TOP1: variants seen among roughly 807,000 people sequenced by gnomAD.
The protein encoded by TOP1 is DNA topoisomerase 1.
A neutral mutation model predicts 111.1 loss-of-function variants in TOP1; 10 were observed. The observed-to-expected ratio is 0.09, with a 90% CI of 0.06 to 0.15. TOP1 has a LOEUF of 0.15. TOP1 is among the 10% of genes least tolerant of loss of function. The pLI is 1.00. For missense variants in TOP1, 474 were observed against 926.7 expected (o/e 0.51, Z 6.34); for synonymous variants, 271 against 302.9 (o/e 0.89, Z 1.10).
chr20:41,065,029 C>T (rs1038599839), intron 3 of TOP1, among the ~76,000 whole-genome samples: 1 of 152,110 alleles, frequency 6.6e-6, no homozygotes, highest in Non-Finnish European at 1.5e-5. Context: ...CTCTGCCTCC[C>T]AAGTAGCTGG....
intron 8 of TOP1, among the ~76,000 whole-genome samples, chr20:41,086,409 A>G (rs570784867): frequency 6.6e-6 from 1 of 152,194 alleles, no homozygotes; most frequent in South Asian, 2.1e-4. Context: ...ATTAGAGGTT[A>G]TTATTGGGAG....
rs1198352590 is a variant in TOP1 at position 41,092,391 on chromosome 20, AATT to A, written c.615-77_615-75del. 1.4e-5 allele frequency: 9 copies of A among 640,514 alleles called. No homozygotes were observed. Among genetic ancestry groups the A allele is most frequent in the Middle Eastern group, 5.3e-4 (2 of 3,780 alleles). The allele number at this position is 640,514 out of a possible 1,614,324, so 39.7% of individuals were successfully genotyped here. ...CAGAGCACTAATCAGTTGAGCGGAT[AATT>A]ATTTGGCATTTAATCAGTGATGATC... On this transcript the variant is annotated intron_variant, in intron 8 of 20. Transcript: ENST00000361337. The surrounding 1 kb of genome is among the most constrained non-coding windows in gnomAD (Gnocchi z 4.3).
chr20:41,113,715 C>CAAAAAAAAA (rs987087793), intron 14 of TOP1, among the ~76,000 whole-genome samples: 18 of 103,462 alleles, frequency 1.7e-4, no homozygotes, highest in Non-Finnish European at 3.1e-4. Context: ...ACTAAAAATA[C>CAAAAAAAAA]AAAAAAAAAA....
chr20:41,104,691 C>G (rs1363750149), intron 13 of TOP1, among the ~76,000 whole-genome samples: 2 of 152,170 alleles, frequency 1.3e-5, no homozygotes, highest in Non-Finnish European at 2.9e-5. Flanking sequence ...AAGTGCCTGA[C>G]TTGAACTGCA....
intron 2 of TOP1, among the ~76,000 whole-genome samples, chr20:41,059,171 G>T (rs1287263945): frequency 6.6e-6 from 1 of 152,008 alleles, no homozygotes; most frequent in African/African-American, 2.4e-5. Flanking sequence ...CCTTTTGGAG[G>T]GTGGAGGGTG....
intron 2 of TOP1, among the ~76,000 whole-genome samples, chr20:41,038,032 T>C (rs2033211056): frequency 6.6e-6 from 1 of 152,226 alleles, no homozygotes. Context: ...TATTTGTTAA[T>C]GCTCTGTAGC....
chr20:41,106,618 T>C lies in TOP1; in HGVS notation c.1308+5265T>C, dbSNP rs2034149464. 6.6e-6 allele frequency among the ~76,000 whole-genome samples: 1 copy of C among 152,200 alleles called. No individual in the cohort carries two copies. Among genetic ancestry groups the C allele is most frequent in the South Asian group, 2.1e-4 (1 of 4,834 alleles). On this transcript the variant is annotated intron_variant, in intron 13 of 20. Transcript: ENST00000361337. The surrounding 1 kb of genome is among the most constrained non-coding windows in gnomAD (Gnocchi z 4.3). ...TCATAAAGGTTTTACATTTAAAAAA[T>C]TCTTATTTTTAAGTGATCTTATAGT...
intron 2 of TOP1, among the ~76,000 whole-genome samples, chr20:41,042,918 C>A (rs1427743623): frequency 6.6e-6 from 1 of 152,138 alleles, no homozygotes; most frequent in Non-Finnish European, 1.5e-5. Flanking sequence ...GAAAATGGAT[C>A]ATCATAAAAG....
intron 2 of TOP1, among the ~76,000 whole-genome samples, chr20:41,042,547 T>C (rs1396897444): frequency 2.0e-5 from 3 of 152,184 alleles, no homozygotes; most frequent in Non-Finnish European, 4.4e-5. Flanking sequence ...ATACTGAAAA[T>C]CCAGTCTGTG....
chr20:41,113,916 G>A (rs987573042), intron 14 of TOP1, 54 bp from the exon 15 acceptor site: 2 of 1,148,432 alleles, frequency 1.7e-6, no homozygotes, highest in Non-Finnish European at 2.5e-6. Context: ...ACGAAATTGT[G>A]TAAGGATCAT....
chr20:41,072,234 T>C, intron 3 of TOP1: 8 of 985,300 alleles, frequency 8.1e-6, no homozygotes, highest in Non-Finnish European at 9.6e-6. Flanking sequence ...TTTTGTGACT[T>C]TGACATATTG....
rs567478119 is a variant in TOP1 at position 41,053,085 on chromosome 20, G to A, written c.59-8309G>A. 4.9e-4 allele frequency among the ~76,000 whole-genome samples: 74 copies of A among 152,262 alleles called. 1 individual carries two copies. Among genetic ancestry groups the A allele is most frequent in the African/African-American group, 1.8e-3 (74 of 41,546 alleles). On this transcript the variant is annotated intron_variant, in intron 2 of 20. Transcript: ENST00000361337. ...ATTTTTTAATATGCTCCTGAAAACAGTCAACTCTCCCATTTCCTAGCTGGG... is the reference window on the plus strand; with the variant it reads ...ATTTTTTAATATGCTCCTGAAAACAATCAACTCTCCCATTTCCTAGCTGGG...
rs907190440 is a variant in TOP1, at chr20:41,112,115, G to A, written c.1309-667G>A. Among the ~76,000 whole-genome samples the A allele has an allele frequency of 6.6e-6, 1 of 152,172 alleles. No homozygotes were observed. The highest frequency in any genetic ancestry group is 1.5e-5 in the Non-Finnish European group (1 of 68,028). On this transcript the variant is annotated intron_variant, in intron 13 of 20. Transcript: ENST00000361337. This position sits in a 1 kb window ranked among gnomAD's most constrained non-coding sequence, Gnocchi z 5.8. ...GAAATGCTTTTAAATGCAGAAGTTA[G>A]AAAATGGTGAATAATTATGGCTGTT... is the stretch of plus-strand genomic sequence containing the variant.
chr20:41,047,082 C>T (rs915046784), intron 2 of TOP1, among the ~76,000 whole-genome samples: 3 of 152,202 alleles, frequency 2.0e-5, no homozygotes, highest in Non-Finnish European at 4.4e-5. Context: ...TTCATTTAGA[C>T]CCTGAGCTTG....
Position 41,029,354 on chromosome 20 carries a change from G to C in TOP1, c.34-77G>C. The C allele has an allele frequency of 1.5e-6, 2 of 1,360,710 alleles. No individual in the cohort carries two copies. The highest frequency in any genetic ancestry group is 3.1e-5 in the South Asian group (2 of 63,856). 84.3% of individuals were successfully genotyped at this position (1,360,710 alleles called of 1,614,324 possible). On this transcript the variant is annotated intron_variant, in intron 1 of 20. Transcript: ENST00000361337. The surrounding 1 kb of genome is among the most constrained non-coding windows in gnomAD (Gnocchi z 6.1). Reference sequence around the variant, plus strand: ...CTCCCCGGGGGCGCAGGGTGAGCCAGACCCCGGCCGCGCGCGCTCGCCGCC... The same window carrying C: ...CTCCCCGGGGGCGCAGGGTGAGCCACACCCCGGCCGCGCGCGCTCGCCGCC...
Position 41,092,617 on chromosome 20 carries a change from GC to G in TOP1, c.730+32del. 1.8e-6 allele frequency: 2 copies of G among 1,126,100 alleles called. No individual in the cohort carries two copies. The highest frequency in any genetic ancestry group is 2.6e-6 in the Non-Finnish European group (2 of 767,964). 69.8% of individuals were successfully genotyped at this position (1,126,100 alleles called of 1,614,324 possible). On this transcript the variant is annotated intron_variant, in intron 9 of 20. Transcript: ENST00000361337. This position sits in a 1 kb window ranked among gnomAD's most constrained non-coding sequence, Gnocchi z 4.3. ...GTTGTTTCAAGGTTCTTGATTCTTG[GC>G]CAGGAAAAGAAATCTGCTTCTATTT...
Position 41,097,355 on chromosome 20 carries a change from T to TA in TOP1, c.852+14_852+15insA. The stretch of plus-strand genomic sequence containing the variant: ...GACTGGAGAAAGGTACTGTAGCCCA[T>TA]GTGTTAATATCCTAGTACCTTGCAA... On this transcript the variant is annotated intron_variant, in intron 10 of 20. Coordinates refer to ENST00000361337, the MANE Select transcript of TOP1 (RefSeq NM_003286.4). This position sits in a 1 kb window ranked among gnomAD's most constrained non-coding sequence, Gnocchi z 4.2. 6.2e-7 allele frequency: 1 copy of TA among 1,610,530 alleles called. No homozygotes were observed. The highest frequency in any genetic ancestry group is 8.5e-7 in the Non-Finnish European group (1 of 1,178,406).
At position 41,076,218 on chromosome 20, in the gene TOP1, A is replaced by G; in HGVS notation, c.203A>G (p.Lys68Arg). Residue 68 changes from lysine to arginine, a missense_variant, in exon 4 of 21, where the codon AAA becomes AGA. By Grantham distance (26) the Lys-to-Arg change is conservative (BLOSUM62 2). Around this residue, in one of 14 missense-constraint regions of TOP1, gnomAD observed 185 missense variants for 226.3 expected, o/e 0.82. Coordinates refer to ENST00000361337, the MANE Select transcript of TOP1 (RefSeq NM_003286.4). ...EKKHKEKEKT[K>R]HKDGSSEKHK... is the part of the protein sequence containing the mutation. ...AAACACAAAGAGAAGGAGAAGACCA[A>G]ACACAAAGATGGAAGCTCAGAAAAG... The G allele has an allele frequency of 1.2e-6, 2 of 1,603,560 alleles. No homozygotes were observed. The highest frequency in any genetic ancestry group is 1.7e-6 in the Non-Finnish European group (2 of 1,170,668).
chr20:41,046,911 C>G lies in TOP1; in HGVS notation c.59-14483C>G, dbSNP rs750688155. ...GCCTCTCTTCAGAGTTCTCATGTGA[C>G]TCACTTAGTTTTGCAGAGTGAGGTA... On this transcript the variant is annotated intron_variant, in intron 2 of 20. Transcript: ENST00000361337. This position sits in a 1 kb window ranked among gnomAD's most constrained non-coding sequence, Gnocchi z 4.3. 6.6e-6 allele frequency among the ~76,000 whole-genome samples: 1 copy of G among 152,210 alleles called. No homozygotes were observed. Among genetic ancestry groups the G allele is most frequent in the African/African-American group, 2.4e-5 (1 of 41,450 alleles).
Sources: allele counts gnomAD v4.1 joint callset (sites outside exome capture counted in the v4.1 genomes callset), GRCh38; gene constraint gnomAD v4.1.1; regional missense constraint gnomAD v4.1.1; non-coding constraint Gnocchi (gnomAD v3.1); transcripts MANE v1.5; gene names NCBI Gene and HGNC (gene_info 2026-07-23, HGNC 2026-07-21).